The following FBXO25 variants were observed in gnomAD, a reference collection of about 807,000 sequenced individuals.
FBXO25 encodes F-box only protein 25.
In FBXO25, 45 loss-of-function variants were observed where a neutral mutation model predicts 51.9. The observed-to-expected ratio is 0.87, with a 90% CI of 0.68 to 1.11. The LOEUF (loss-of-function observed/expected upper bound fraction) is 1.11. Ranked by LOEUF, FBXO25 falls within the 50% of genes most tolerant of loss-of-function variation. The pLI, the probability that FBXO25 is intolerant of heterozygous loss-of-function variation, is 0.00. For missense variants in FBXO25, 507 were observed against 428.5 expected, an observed-to-expected ratio of 1.18 and a Z score of -1.62; for synonymous variants, 199 against 151.0, an observed-to-expected ratio of 1.32 and a Z score of -2.33.
intron 9 of FBXO25, among the ~76,000 whole-genome samples, chr8:463,776 G>A (rs1799968435): frequency 6.6e-6 from 1 of 152,124 alleles, no homozygotes; most frequent in African/African-American, 2.4e-5. Context: ...TAAATAGAAT[G>A]TTTTTCACAG....
Position 474,421 on chromosome 8 carries a change from C to T in FBXO25, c.*5617C>T. The T allele has an allele frequency of 3.5e-6, 1 of 285,214 alleles. No homozygotes were observed. Among genetic ancestry groups the T allele is most frequent in the Non-Finnish European group, 6.7e-6 (1 of 148,454 alleles). The allele number at this position is 285,214 out of a possible 1,614,324, so 17.7% of individuals were successfully genotyped here. On this transcript the variant is annotated 3_prime_UTR_variant, in exon 10 of 10. Coordinates refer to ENST00000350302, the MANE Select transcript of FBXO25 (RefSeq NM_183420.2). ...AACATGGGTGTGCAAATATCTGAGTCTCTGCTTTCAATCATATGGCAATCC... is the reference window on the plus strand; with the variant it reads ...AACATGGGTGTGCAAATATCTGAGTTTCTGCTTTCAATCATATGGCAATCC...
At position 468,153 on chromosome 8, in the gene FBXO25, A is replaced by T. The variant is rs73669401; in HGVS notation, c.988-562A>T. ...ATTAATTTTTCTGTCGTCACTTCTC[A>T]TATTAAATATAATTCTGGATCCTTA... On this transcript the variant is annotated intron_variant, in intron 9 of 9. Transcript: ENST00000350302. The T allele has an allele frequency of 5.6e-4, 578 of 1,027,368 alleles. 3 individuals carry two copies. The African/African-American group carries it at 9.4e-3, about 17-fold the overall frequency. 63.6% of individuals were successfully genotyped at this position (1,027,368 alleles called of 1,614,324 possible).
intron 5 of FBXO25, among the ~76,000 whole-genome samples, chr8:443,554 C>G (rs577684267): frequency 1.3e-5 from 2 of 151,032 alleles, no homozygotes; most frequent in African/African-American, 2.4e-5. Flanking sequence ...AGGGACAACC[C>G]CAAAAATAGA....
intron 9 of FBXO25, among the ~76,000 whole-genome samples, chr8:463,526 C>A (rs1481255150): frequency 6.6e-6 from 1 of 152,184 alleles, no homozygotes; most frequent in East Asian, 1.9e-4. Flanking sequence ...TCCTCGTTTC[C>A]CCAGACTTAG....
chr8:421,826 G>A lies in FBXO25; in HGVS notation c.134+8613G>A, dbSNP rs534374627. Among the ~76,000 whole-genome samples the A allele has an allele frequency of 5.5e-4, 83 of 152,288 alleles. 1 individual carries two copies. The highest frequency in any genetic ancestry group is 2.4e-3 in the Admixed American group (37 of 15,292). On this transcript the variant is annotated intron_variant, in intron 2 of 9. Transcript: ENST00000350302. ...AGTGATGGGAGCCTGTCAGATATCAGAAGGGTAGATGTCCGTCAAAAAGTG... is the reference window on the plus strand; with the variant it reads ...AGTGATGGGAGCCTGTCAGATATCAAAAGGGTAGATGTCCGTCAAAAAGTG...
intron 5 of FBXO25, among the ~76,000 whole-genome samples, chr8:441,763 G>A (rs1798439558): frequency 6.6e-6 from 1 of 152,160 alleles, no homozygotes; most frequent in Non-Finnish European, 1.5e-5. Flanking sequence ...ATGAAGAAAA[G>A]CTCATCTCTG....
At chr8:420,591 C>G (rs1010570270) in intron 2 of FBXO25, 2 of 152,196 alleles carry the variant, frequency 1.3e-5, no homozygotes, top group African/African-American at 4.8e-5. Flanking sequence ...CAGGAGAATA[C>G]CACTCAAAAG....
rs1265377426 is a variant in FBXO25 at position 472,427 on chromosome 8, C to G, written c.*3623C>G. On this transcript the variant is annotated 3_prime_UTR_variant, in exon 10 of 10. Transcript: ENST00000350302. The stretch of plus-strand genomic sequence containing the variant: ...CCCACTAAGTCATGGTTTATGATAC[C>G]TTTTATACATAGCTGTTAGATTTGG... 1 of 152,198 alleles carries G rather than the reference C, an allele frequency of 6.6e-6. No homozygotes were observed. Among genetic ancestry groups the G allele is most frequent in the African/African-American group, 2.4e-5 (1 of 41,434 alleles). 9.4% of individuals were successfully genotyped at this position (152,198 alleles called of 1,614,324 possible).
At chr8:463,524 T>G (rs765990210) in intron 9 of FBXO25, among the ~76,000 whole-genome samples, 9 of 152,160 alleles carry the variant, frequency 5.9e-5, no homozygotes, top group Non-Finnish European at 1.0e-4. Context: ...CTTCCTCGTT[T>G]CCCCAGACTT....
rs1477497822 is a variant in FBXO25, at chr8:413,189, A to G, written c.110A>G (p.Asn37Ser). 2.5e-6 allele frequency: 4 copies of G among 1,603,676 alleles called. No homozygotes were observed. The East Asian group carries it at 9.0e-5, about 36-fold the overall frequency. ...SCSQKLEREN[N>S]RCNISHSIIL... The stretch of plus-strand genomic sequence containing the variant: ...AGTCAGAAACTTGAAAGAGAGAATA[A>G]CCGTTGTAACATCAGTCACAGCATG... Residue 37 changes from asparagine to serine, a missense_variant, in exon 2 of 10, where the codon AAC becomes AGC. By Grantham distance (46) the Asn-to-Ser change is conservative. Coordinates refer to ENST00000350302, the MANE Select transcript of FBXO25 (RefSeq NM_183420.2).
At chr8:424,135 T>G (rs1248979799) in intron 2 of FBXO25, among the ~76,000 whole-genome samples, 1 of 151,708 alleles carries the variant, frequency 6.6e-6, no homozygotes, top group African/African-American at 2.4e-5. Flanking sequence ...TTTTTTTTTT[T>G]TGAGACAGAG....
At position 468,841 on chromosome 8, in the gene FBXO25, C is replaced by G. The variant is rs774898206; in HGVS notation, c.*37C>G. ...GCCATCCCTATTGGAGATTGTGAAT[C>G]CTGCTGTCTGTGCAGGGCTCATAGT... On this transcript the variant is annotated 3_prime_UTR_variant, in exon 10 of 10. Transcript: ENST00000350302. 1.9e-6 allele frequency: 3 copies of G among 1,596,500 alleles called. No homozygotes were observed. The East Asian group carries it at 6.7e-5, about 36-fold the overall frequency.
rs754039193 is a variant in FBXO25 at position 474,655 on chromosome 8, C to T, written c.*5851C>T. The T allele has an allele frequency of 1.4e-5, 6 of 440,250 alleles. No individual in the cohort carries two copies. The highest frequency in any genetic ancestry group is 4.1e-5 in the African/African-American group (2 of 48,878). The allele number at this position is 440,250 out of a possible 1,614,324, so 27.3% of individuals were successfully genotyped here. A position where few individuals can be genotyped will look rare whatever the true frequency, so the allele number is the denominator to read the frequency against. ...TGATGCTGAGTATCTGTTTGTTGGC[C>T]GTTTATATGTCGTCTTTGGAGAAAT... On this transcript the variant is annotated 3_prime_UTR_variant, in exon 10 of 10. Transcript: ENST00000350302.
chr8:417,560 C>G (rs1378529687), intron 2 of FBXO25, among the ~76,000 whole-genome samples: 1 of 152,208 alleles, frequency 6.6e-6, no homozygotes, highest in Non-Finnish European at 1.5e-5. Flanking sequence ...GATATAACAT[C>G]TAAATCCGCC....
chr8:425,609 T>G (rs901778617), intron 2 of FBXO25, among the ~76,000 whole-genome samples: 14 of 150,684 alleles, frequency 9.3e-5, no homozygotes, highest in Non-Finnish European at 1.5e-5. Context: ...TTATTTTTAT[T>G]ATTTAAATTT....
Position 474,776 on chromosome 8 carries a change from T to G in FBXO25, c.*5972T>G. The G allele has an allele frequency of 2.2e-6, 1 of 456,658 alleles. No homozygotes were observed. Among genetic ancestry groups the G allele is most frequent in the Non-Finnish European group, 4.4e-6 (1 of 226,954 alleles). The allele number at this position is 456,658 out of a possible 1,614,324, so 28.3% of individuals were successfully genotyped here. On this transcript the variant is annotated 3_prime_UTR_variant, in exon 10 of 10. Coordinates refer to ENST00000350302, the MANE Select transcript of FBXO25 (RefSeq NM_183420.2). Reference sequence around the variant, plus strand: ...TCAGATATATCATTTTAAAATACTTTGTCCCATTCCGTGGATTGCCTTTCA... The same window carrying G: ...TCAGATATATCATTTTAAAATACTTGGTCCCATTCCGTGGATTGCCTTTCA...
chr8:457,233 C>T (rs908625095), intron 7 of FBXO25, among the ~76,000 whole-genome samples: 4 of 152,214 alleles, frequency 2.6e-5, no homozygotes, highest in African/African-American at 9.6e-5. Flanking sequence ...GCCAGAACCC[C>T]ACTGTCAGGA....
chr8:421,584 G>C (rs1026118553), intron 2 of FBXO25, among the ~76,000 whole-genome samples: 11 of 152,324 alleles, frequency 7.2e-5, no homozygotes, highest in African/African-American at 2.6e-4. Context: ...GGAGGTGTCA[G>C]CATGAACTAG....
chr8:436,384 A>G (rs1292996537), intron 5 of FBXO25, among the ~76,000 whole-genome samples: 2 of 152,332 alleles, frequency 1.3e-5, no homozygotes, highest in South Asian at 4.1e-4. Flanking sequence ...GAGACATTGG[A>G]AAAATGTTGC....
Sources: gnomAD v4.1 joint callset for allele counts (sites outside exome capture counted in the v4.1 genomes callset) on GRCh38, gnomAD v4.1.1 for gene constraint, MANE v1.5 for transcripts, NCBI Gene and HGNC (gene_info 2026-07-23, HGNC 2026-07-21) for gene names.